Variants in FHAD1 observed in about 807,000 individuals in gnomAD.
FHAD1 encodes the protein forkhead associated phosphopeptide binding domain 1, also known as forkhead-associated domain-containing protein 1.
Under a neutral mutation model 191.3 loss-of-function variants are expected in FHAD1, and 146 were observed. The ratio of observed to expected loss-of-function variants is 0.76; its 90% CI spans 0.67 to 0.88. FHAD1 has a LOEUF of 0.88. Ranked by LOEUF, FHAD1 falls within the 40% of genes least tolerant of loss-of-function variation. FHAD1 has a pLI of 0.00. For missense variants in FHAD1, 1,635 were observed against 1,785.8 expected, an observed-to-expected ratio of 0.92 and a Z score of 1.52; for synonymous variants, 616 against 672.3, an observed-to-expected ratio of 0.92 and a Z score of 1.29.
chr1:15,295,372 GC>G (rs1388195817), intron 4 of FHAD1, among the ~76,000 whole-genome samples: 1 of 152,184 alleles, frequency 6.6e-6, no homozygotes. Flanking sequence ...ACTTTGGGAG[GC>G]TGAGACAGGA....
intron 1 of FHAD1, among the ~76,000 whole-genome samples, chr1:15,250,208 A>G (rs1646612151): frequency 6.6e-6 from 1 of 152,226 alleles, no homozygotes; most frequent in Non-Finnish European, 1.5e-5. Context: ...TTGACAAGGA[A>G]TTGAGGTGGA....
intron 33 of FHAD1, 56 bp downstream of exon 33, chr1:15,391,319 T>C: frequency 2.5e-6 from 3 of 1,183,922 alleles, no homozygotes; most frequent in Non-Finnish European, 3.3e-6. Context: ...TGTTTTGTTT[T>C]GTTTTGTTTT....
chr1:15,265,527 G>C (rs1396420194), intron 2 of FHAD1, among the ~76,000 whole-genome samples: 2 of 152,128 alleles, frequency 1.3e-5, no homozygotes, highest in Non-Finnish European at 2.9e-5. Context: ...CAAGGCAGAG[G>C]CTTGTCCCAT....
intron 28 of FHAD1, among the ~76,000 whole-genome samples, chr1:15,379,969 T>C (rs1385307064): frequency 6.6e-6 from 1 of 152,228 alleles, no homozygotes; most frequent in Non-Finnish European, 1.5e-5. Context: ...CTCTTGCTTT[T>C]CCCCACACTG....
At chr1:15,376,065 ATTTATTTATTTATTTTTTTATTTATTTT>A (rs1287169301) in intron 28 of FHAD1, among the ~76,000 whole-genome samples, 80 of 88,560 alleles carry the variant, frequency 9.0e-4, no homozygotes, top group East Asian at 7.4e-3. Context: ...TTATTTATTT[ATTTATTTATTTATTTTTTTATTTATTTT>A]TTTATTTATT....
chr1:15,371,243 A>G (rs1697998927), intron 26 of FHAD1, among the ~76,000 whole-genome samples: 1 of 152,234 alleles, frequency 6.6e-6, no homozygotes, highest in Non-Finnish European at 1.5e-5. Flanking sequence ...GAAGACGCAC[A>G]GGGTCCCGCC....
chr1:15,308,688 C>G lies in FHAD1; in HGVS notation c.991C>G (p.Leu331Val). The G allele has an allele frequency of 6.4e-7, 1 of 1,551,764 alleles. No homozygotes were observed. ...LSERNSEITS[L>V]KNEGENLKRD... ...AGAGCGGAACTCAGAAATCACATCCCTGAAGAATGAGGGCGAGAACTTAAA... is the reference window on the plus strand; with the variant it reads ...AGAGCGGAACTCAGAAATCACATCCGTGAAGAATGAGGGCGAGAACTTAAA... Residue 331 changes from leucine to valine, a missense_variant, in exon 7 of 34, where the codon CTG becomes GTG. Physicochemically the swap from Leu to Val is conservative, Grantham distance 32. Transcript: ENST00000688493.
At chr1:15,241,823 G>A (rs944644150) in intron 1 of FHAD1, among the ~76,000 whole-genome samples, 2 of 152,086 alleles carry the variant, frequency 1.3e-5, no homozygotes, top group African/African-American at 4.8e-5. Flanking sequence ...TGGTTAGGTG[G>A]GTGAGTACAC....
chr1:15,359,119 T>G, intron 21 of FHAD1, among the ~76,000 whole-genome samples: 1 of 150,584 alleles, frequency 6.6e-6, no homozygotes. Context: ...AGGATGGGAG[T>G]ATGGAGGTCT....
chr1:15,264,608 A>G (rs1232410608), intron 2 of FHAD1, among the ~76,000 whole-genome samples: 1 of 151,396 alleles, frequency 6.6e-6, no homozygotes, highest in African/African-American at 2.4e-5. Flanking sequence ...TATAAAAATC[A>G]TGTTGTCCAA....
chr1:15,245,478 G>A (rs1009566183), upstream of FHAD1, among the ~76,000 whole-genome samples: 13 of 152,172 alleles, frequency 8.5e-5, no homozygotes, highest in African/African-American at 3.1e-4. Flanking sequence ...AAAAGCTAAA[G>A]TAAAGAAGGC....
chr1:15,360,270 C>T lies in FHAD1; in HGVS notation c.2737-208C>T, dbSNP rs376779885. On this transcript the variant is annotated intron_variant, in intron 21 of 33. Transcript: ENST00000688493. ...TAGTCAGGGAGGGCCTCTCAGAGGA[C>T]GTGATGCTGGAGCTGAGCCCTGAGA... 8.5e-5 allele frequency among the ~76,000 whole-genome samples: 13 copies of T among 152,324 alleles called. No homozygotes were observed. In the East Asian group the frequency reaches 9.6e-4, roughly 11 times the overall value.
Position 15,294,538 on chromosome 1 carries a change from G to A in FHAD1, c.569-2146G>A, listed in dbSNP as rs183948677. On this transcript the variant is annotated intron_variant, in intron 4 of 33. Transcript: ENST00000688493. The stretch of plus-strand genomic sequence containing the variant: ...CCTCCCAAGTAGCTAGGATTCAGGC[G>A]CCTGCCACCACACCTGGCTAATTTT... Among the ~76,000 whole-genome samples the A allele has an allele frequency of 1.5e-3, 226 of 152,132 alleles. 7 individuals are homozygous for A. The highest frequency in any genetic ancestry group is 0.015 in the Admixed American group (223 of 15,292).
intron 2 of FHAD1, among the ~76,000 whole-genome samples, chr1:15,260,837 T>A (rs1195484648): frequency 1.3e-5 from 2 of 152,228 alleles, no homozygotes; most frequent in East Asian, 3.8e-4. Flanking sequence ...CAGGTTAACC[T>A]CCCTGTTTCA....
intron 20 of FHAD1, chr1:15,357,739 T>C (rs1240999291): frequency 1.2e-5 from 2 of 163,840 alleles, no homozygotes; most frequent in Non-Finnish European, 2.6e-5. Flanking sequence ...AGGCAGGTGT[T>C]GCAGTGAAGG....
chr1:15,266,236 A>C (rs2101079567), intron 2 of FHAD1, among the ~76,000 whole-genome samples: 1 of 151,854 alleles, frequency 6.6e-6, no homozygotes, highest in African/African-American at 2.4e-5. Context: ...CAGCCTCCCA[A>C]GTAGTTAAGG....
At chr1:15,279,393 C>T (rs1168739791) in intron 3 of FHAD1, among the ~76,000 whole-genome samples, 1 of 152,004 alleles carries the variant, frequency 6.6e-6, no homozygotes, top group Admixed American at 6.6e-5. Context: ...AGCTTCAGGC[C>T]TGGCTAGATC....
At chr1:15,378,093 T>A (rs1044920431) in intron 28 of FHAD1, among the ~76,000 whole-genome samples, 13 of 151,882 alleles carry the variant, frequency 8.6e-5, no homozygotes, top group African/African-American at 3.1e-4. Context: ...CACTTGAGGC[T>A]AGAAGTTTGA....
intron 20 of FHAD1, among the ~76,000 whole-genome samples, chr1:15,353,922 GT>G (rs1253527240): frequency 6.6e-6 from 1 of 152,032 alleles, no homozygotes; most frequent in Non-Finnish European, 1.5e-5. Context: ...CCTGTCTTGG[GT>G]ACCTCATAAG....
Sources: gnomAD v4.1 joint callset for allele counts (sites outside exome capture counted in the v4.1 genomes callset) on GRCh38, gnomAD v4.1.1 for gene constraint, MANE v1.5 for transcripts, NCBI Gene and HGNC (gene_info 2026-07-23, HGNC 2026-07-21) for gene names.